Variants in ZMAT4 observed in about 807,000 individuals in gnomAD.
The protein encoded by ZMAT4 is zinc finger matrin-type 4.
A neutral mutation model predicts 28.7 loss-of-function variants in ZMAT4; 17 were observed. The observed-to-expected ratio is 0.59, with a 90% CI of 0.41 to 0.89. The LOEUF is 0.89. Ranked by LOEUF, ZMAT4 falls within the 40% of genes least tolerant of loss-of-function variation. ZMAT4 has a pLI of 0.00. For missense variants in ZMAT4, 240 were observed against 283.8 expected, an observed-to-expected ratio of 0.85 and a Z score of 1.11; for synonymous variants, 117 against 109.2, an observed-to-expected ratio of 1.07 and a Z score of -0.44.
chr8:40,773,209 T>C (rs1813454468), intron 2 of ZMAT4, among the ~76,000 whole-genome samples: 1 of 152,178 alleles, frequency 6.6e-6, no homozygotes, highest in Non-Finnish European at 1.5e-5. Context: ...GAATGAATGA[T>C]GGGTCAACTA....
intron 1 of ZMAT4, among the ~76,000 whole-genome samples, chr8:40,889,237 C>G (rs976068980): frequency 6.6e-6 from 1 of 152,234 alleles, no homozygotes; most frequent in African/African-American, 2.4e-5. Flanking sequence ...ATCTTGCACA[C>G]TTCACACCTG....
At chr8:40,650,202 G>T (rs181746871) in intron 5 of ZMAT4, among the ~76,000 whole-genome samples, 1 of 152,016 alleles carries the variant, frequency 6.6e-6, no homozygotes, top group Admixed American at 6.6e-5. Context: ...GAAAAAAAGA[G>T]GGAAGAATCA....
intron 3 of ZMAT4, among the ~76,000 whole-genome samples, chr8:40,751,355 T>C (rs1247392600): frequency 2.6e-5 from 4 of 151,988 alleles, no homozygotes; most frequent in Non-Finnish European, 1.5e-5. Flanking sequence ...GAAGGGGAAG[T>C]AGGTGTCTCA....
chr8:40,766,213 G>A (rs1467341538), intron 3 of ZMAT4, among the ~76,000 whole-genome samples: 1 of 152,142 alleles, frequency 6.6e-6, no homozygotes, highest in African/African-American at 2.4e-5. Flanking sequence ...CTTTGTGCAG[G>A]ATGTTAATAA....
At chr8:40,758,743 G>A (rs1372999984) in intron 3 of ZMAT4, among the ~76,000 whole-genome samples, 1 of 152,060 alleles carries the variant, frequency 6.6e-6, no homozygotes, top group Non-Finnish European at 1.5e-5. Flanking sequence ...TGACCCTTCA[G>A]AGTTGGATGG....
chr8:40,701,648 G>C (rs1331350382), intron 3 of ZMAT4, among the ~76,000 whole-genome samples: 1 of 150,386 alleles, frequency 6.6e-6, no homozygotes, highest in Non-Finnish European at 1.5e-5. Context: ...CTCCTGAGTA[G>C]CTGGGATTAC....
intron 1 of ZMAT4, among the ~76,000 whole-genome samples, chr8:40,849,604 C>A (rs771778426): frequency 6.6e-5 from 10 of 152,116 alleles, no homozygotes; most frequent in Non-Finnish European, 1.5e-4. Context: ...AACATATCCC[C>A]AAGAAAAGGG....
chr8:40,759,119 T>A (rs554081870), intron 3 of ZMAT4, among the ~76,000 whole-genome samples: 80 of 151,940 alleles, frequency 5.3e-4, no homozygotes, highest in African/African-American at 1.9e-3. Context: ...CCGTCTCTAC[T>A]AAAATTACAA....
At chr8:40,793,531 G>T (rs187796528) in intron 2 of ZMAT4, among the ~76,000 whole-genome samples, 43 of 152,330 alleles carry the variant, frequency 2.8e-4, no homozygotes, top group African/African-American at 9.4e-4. Flanking sequence ...CGAATTTGCT[G>T]CTTCCTTTCA....
At chr8:40,752,375 G>A (rs1812487294) in intron 3 of ZMAT4, among the ~76,000 whole-genome samples, 1 of 152,202 alleles carries the variant, frequency 6.6e-6, no homozygotes, top group Admixed American at 6.5e-5. Context: ...CTTAAAGGAA[G>A]CTCTGAGAAC....
intron 2 of ZMAT4, among the ~76,000 whole-genome samples, chr8:40,824,764 GAAAA>G (rs963617841): frequency 1.3e-5 from 2 of 149,722 alleles, no homozygotes; most frequent in South Asian, 2.1e-4. Context: ...AAGAAAGAAA[GAAAA>G]GAAAGAAAGA....
intron 6 of ZMAT4, among the ~76,000 whole-genome samples, chr8:40,567,586 C>T (rs546176502): frequency 2.0e-4 from 30 of 151,810 alleles, no homozygotes; most frequent in Non-Finnish European, 3.5e-4. Context: ...CAAAAATTAG[C>T]TACTCCAGAG....
At chr8:40,853,869 A>G (rs1743810446) in intron 1 of ZMAT4, among the ~76,000 whole-genome samples, 1 of 152,242 alleles carries the variant, frequency 6.6e-6, no homozygotes, top group African/African-American at 2.4e-5. Flanking sequence ...GATGCTATAA[A>G]GGAATACCTG....
chr8:40,615,775 C>T (rs1308575492), intron 5 of ZMAT4, among the ~76,000 whole-genome samples: 1 of 152,154 alleles, frequency 6.6e-6, no homozygotes, highest in Non-Finnish European at 1.5e-5. Context: ...TTTTCAGCTC[C>T]ATCAGGTCAT....
At chr8:40,644,921 C>A (rs1392063063) in intron 5 of ZMAT4, among the ~76,000 whole-genome samples, 1 of 152,188 alleles carries the variant, frequency 6.6e-6, no homozygotes, top group Non-Finnish European at 1.5e-5. Context: ...GAGGAGCATT[C>A]TCCAAAATAT....
At chr8:40,767,206 CTCTT>C (rs1239695710) in intron 3 of ZMAT4, among the ~76,000 whole-genome samples, 1 of 152,192 alleles carries the variant, frequency 6.6e-6, no homozygotes. Context: ...AATATGCACA[CTCTT>C]CATTATAAAT....
chr8:40,756,426 T>TTATATA (rs72008675), intron 3 of ZMAT4, among the ~76,000 whole-genome samples: 2,868 of 73,176 alleles, frequency 0.039, 182 homozygotes, highest in Admixed American at 0.047. Context: ...AAATGTTCTT[T>TTATATA]TATATATATA....
chr8:40,751,472 G>T (rs1425785795), intron 3 of ZMAT4, among the ~76,000 whole-genome samples: 1 of 151,900 alleles, frequency 6.6e-6, no homozygotes, highest in African/African-American at 2.4e-5. Context: ...CAAGGGGATG[G>T]TGCAGTCCTC....
At chr8:40,581,701 G>A (rs182812662) in intron 5 of ZMAT4, among the ~76,000 whole-genome samples, 15 of 152,244 alleles carry the variant, frequency 9.9e-5, no homozygotes, top group African/African-American at 3.4e-4. Context: ...CACTCATTTA[G>A]GTGTTTCTTC....
Sources: allele counts gnomAD v4.1 joint callset (sites outside exome capture counted in the v4.1 genomes callset), GRCh38; gene constraint gnomAD v4.1.1; transcripts MANE v1.5; gene names NCBI Gene and HGNC (gene_info 2026-07-23, HGNC 2026-07-21).